Variants in TTK observed in about 807,000 individuals in gnomAD.
TTK encodes the protein TTK protein kinase.
Under a neutral mutation model 117.3 loss-of-function variants are expected in TTK, and 59 were observed. The ratio of observed to expected loss-of-function variants is 0.50; its 90% CI spans 0.41 to 0.62. The LOEUF is 0.62. TTK is among the 20% of genes least tolerant of loss of function. TTK has a pLI of 0.00. For synonymous variants in TTK, 302 were observed against 325.0 expected (o/e 0.93, Z 0.76); for missense variants, 921 against 989.4 (o/e 0.93, Z 0.93).
chr6:80,021,292 C>T (rs978923443), intron 10 of TTK, among the ~76,000 whole-genome samples: 1 of 152,328 alleles, frequency 6.6e-6, no homozygotes, highest in Middle Eastern at 3.4e-3. Context: ...CCATGAGCAG[C>T]TGGCATTTGC....
chr6:80,013,385 A>C lies in TTK; in HGVS notation c.984+19A>C. The C allele has an allele frequency of 6.4e-7, 1 of 1,567,640 alleles. No individual in the cohort carries two copies. ...TTTAAAGGTATTTTAATTCTATATC[A>C]TTATATAAAGCAAGGGTTCCTGATC... On this transcript the variant is annotated intron_variant, in intron 9 of 21. Transcript: ENST00000369798.
intron 2 of TTK, 113 bp downstream of exon 2, chr6:80,006,095 C>T: frequency 7.1e-7 from 1 of 1,401,328 alleles, no homozygotes; most frequent in Non-Finnish European, 9.8e-7. Context: ...TTGTCTTTCT[C>T]CTCCATTAGA....
At chr6:80,005,356 C>T (rs1766961562) in intron 1 of TTK, among the ~76,000 whole-genome samples, 1 of 152,172 alleles carries the variant, frequency 6.6e-6, no homozygotes, top group African/African-American at 2.4e-5. Flanking sequence ...TGCGGATTTC[C>T]TAATTATCAG....
In TTK at chr6:80,022,479, T is replaced by C. The variant is rs202002940; in HGVS notation, c.1257+7T>C. ...CCGAAAAGTTAATACAGAGGTAACT[T>C]TTCCACTAAAGTACAATATTGCTTT... On this transcript the variant is annotated splice_region_variant and intron_variant, in intron 11 of 21. Transcript: ENST00000369798. 167 of 1,611,354 alleles carry C rather than the reference T, an allele frequency of 1.0e-4. 1 individual carries two copies. Among genetic ancestry groups the C allele is most frequent in the Admixed American group, 3.4e-5 (2 of 59,460 alleles).
intron 13 of TTK, among the ~76,000 whole-genome samples, chr6:80,030,959 C>A (rs956039664): frequency 1.3e-5 from 2 of 150,490 alleles, no homozygotes; most frequent in Admixed American, 6.6e-5. Flanking sequence ...GGAGAAGAAT[C>A]GCTTGATCCT....
intron 20 of TTK, 74 bp from the exon 21 acceptor site, chr6:80,040,532 T>G: frequency 7.6e-7 from 1 of 1,317,054 alleles, no homozygotes; most frequent in Non-Finnish European, 1.1e-6. Flanking sequence ...TTTGTGCTAT[T>G]AAACAAAATG....
In TTK at chr6:80,004,676, G is replaced by C. The variant is rs544241358; in HGVS notation, c.-40G>C. On this transcript the variant is annotated 5_prime_UTR_variant, in exon 1 of 22. Coordinates refer to ENST00000369798, the MANE Select transcript of TTK (RefSeq NM_003318.5). ...AACGTGTTTGCGGAAAGGAGTTTGG[G>C]TTCCATCTTTTCATTTCCCCAGCGC... The C allele has an allele frequency of 3.7e-4, 57 of 152,370 alleles. No homozygotes were observed. The highest frequency in any genetic ancestry group is 1.3e-3 in the African/African-American group (55 of 41,576). 9.4% of individuals were successfully genotyped at this position (152,370 alleles called of 1,614,324 possible). A position where few individuals can be genotyped will look rare whatever the true frequency, so the allele number is the denominator to read the frequency against.
At position 80,011,952 on chromosome 6, in the gene TTK, G is replaced by A. The variant is rs1273731372; in HGVS notation, c.868G>A (p.Asp290Asn). 1 of 1,611,484 alleles carries A rather than the reference G, an allele frequency of 6.2e-7. No individual in the cohort carries two copies. Reference protein sequence around the residue: ...NSPDCDVKTDDSVVPCFMKRQ... With the variant: ...NSPDCDVKTDNSVVPCFMKRQ... ...CCCAGATTGTGATGTGAAGACAGAT[G>A]ATTCAGTTGTACCTTGTTTTATGAA... Residue 290 changes from aspartate (D) to asparagine (N), a missense_variant, in exon 8 of 22, where the codon GAT becomes AAT. Coordinates refer to ENST00000369798, the MANE Select transcript of TTK (RefSeq NM_003318.5).
chr6:80,042,191 G>A lies in TTK; in HGVS notation c.2563G>A (p.Gly855Arg), dbSNP rs757581628. The change falls in exon 22 of 22, where the codon GGA becomes AGA. Residue 855 changes from glycine to arginine, a missense_variant. Gly to Arg is a moderately radical substitution (Grantham distance 125). Coordinates refer to ENST00000369798, the MANE Select transcript of TTK (RefSeq NM_003318.5). ...SSSKTFEKKR[G>R]KK ...CTCCAAGACTTTTGAAAAAAAAAGG[G>A]GAAAAAAATGATTTGCAGTTATTCG... The A allele has an allele frequency of 1.3e-5, 20 of 1,595,878 alleles. No homozygotes were observed. The African/African-American group carries it at 2.3e-4, about 18-fold the overall frequency.
chr6:80,011,609 TA>T (rs1221583377), intron 6 of TTK, 61 bp downstream of exon 6: 1 of 1,544,984 alleles, frequency 6.5e-7, no homozygotes. Context: ...CTGTGTTTTT[TA>T]ATGTAATTAC....
intron 10 of TTK, among the ~76,000 whole-genome samples, chr6:80,018,967 CTA>C (rs1208952140): frequency 6.6e-6 from 1 of 152,110 alleles, no homozygotes; most frequent in Non-Finnish European, 1.5e-5. Flanking sequence ...TTTTCCGTCT[CTA>C]TTCTGTTATT....
rs1042444967 is a variant in TTK at position 80,008,939 on chromosome 6, G to C, written c.469+447G>C. Among the ~76,000 whole-genome samples, 254 of 144,016 alleles carry C rather than the reference G, an allele frequency of 1.8e-3. 3 individuals are homozygous for C. The highest frequency in any genetic ancestry group is 6.3e-3 in the African/African-American group (241 of 38,264). The allele number at this position is 144,016 out of a possible 152,430, so 94.5% of individuals were successfully genotyped here. A position where few individuals can be genotyped will look rare whatever the true frequency, so the allele number is the denominator to read the frequency against. On this transcript the variant is annotated intron_variant, in intron 4 of 21. Transcript: ENST00000369798. ...AAGTAAACTATATATCTGTGTGTGT[G>C]TGTGTGTGTGTGTGTGTGTGTGTGT...
chr6:80,012,529 C>T (rs1282773118), intron 8 of TTK, among the ~76,000 whole-genome samples: 1 of 151,982 alleles, frequency 6.6e-6, no homozygotes, highest in Non-Finnish European at 1.5e-5. Flanking sequence ...GGAATGTAGC[C>T]TGTAGCTCAG....
intron 14 of TTK, among the ~76,000 whole-genome samples, chr6:80,034,254 A>C (rs1430653951): frequency 6.6e-6 from 1 of 152,140 alleles, no homozygotes. Context: ...GTCATGGGGT[A>C]ATGAGAATGG....
intron 10 of TTK, among the ~76,000 whole-genome samples, chr6:80,017,167 C>T (rs1192531046): frequency 6.6e-6 from 1 of 152,204 alleles, no homozygotes; most frequent in Non-Finnish European, 1.5e-5. Flanking sequence ...ATCCAGGTGA[C>T]CTGGCACCAT....
At chr6:80,022,592 T>C in intron 11 of TTK, 120 bp downstream of exon 11, 2 of 1,103,726 alleles carry the variant, frequency 1.8e-6, no homozygotes, top group Non-Finnish European at 2.5e-6. Flanking sequence ...GAATAGTTTA[T>C]TTAAAGGTTT....
intron 5 of TTK, 148 bp downstream of exon 5, chr6:80,011,105 A>G: frequency 9.3e-7 from 1 of 1,080,874 alleles, no homozygotes; most frequent in South Asian, 2.6e-5. Context: ...AGAAGTAAAA[A>G]AGTCTCTACA....
intron 17 of TTK, among the ~76,000 whole-genome samples, chr6:80,037,158 G>C (rs1767926597): frequency 6.6e-6 from 1 of 152,102 alleles, no homozygotes. Context: ...ATATCTAAAA[G>C]ATATTCTTGC....
At chr6:80,039,611 T>C (rs745530550) in intron 18 of TTK, 85 bp from the exon 19 acceptor site, 9 of 1,015,836 alleles carry the variant, frequency 8.9e-6, no homozygotes, top group Non-Finnish European at 1.2e-5. Flanking sequence ...ATTATGATTT[T>C]AAATATGTAT....
Sources: gnomAD v4.1 joint callset for allele counts (sites outside exome capture counted in the v4.1 genomes callset) on GRCh38, gnomAD v4.1.1 for gene constraint, MANE v1.5 for transcripts, NCBI Gene and HGNC (gene_info 2026-07-23, HGNC 2026-07-21) for gene names.